HHAT: variants seen among roughly 807,000 people sequenced by gnomAD.
The protein encoded by HHAT is hedgehog acyltransferase.
Under a neutral mutation model 70.8 loss-of-function variants are expected in HHAT, and 47 were observed. That is an observed-to-expected ratio of 0.66 (90% CI 0.53 to 0.85). The LOEUF (loss-of-function observed/expected upper bound fraction) is 0.85, where lower values mean the gene tolerates loss of function less well. Among genes scored for constraint, HHAT ranks in the 40% least tolerant of loss-of-function variants. The probability of loss-of-function intolerance (pLI) is 0.00; values close to 1 mark genes in which losing one functional copy is unlikely to be tolerated. For missense variants in HHAT, 609 were observed against 604.8 expected, an observed-to-expected ratio of 1.01 and a Z score of -0.07; for synonymous variants, 228 against 247.6, an observed-to-expected ratio of 0.92 and a Z score of 0.74.
At chr1:210,418,392 C>T in intron 7 of HHAT, 67 bp downstream of exon 7, 3 of 1,416,206 alleles carry the variant, frequency 2.1e-6, no homozygotes, top group East Asian at 2.5e-5. Context: ...CAGAATGGAG[C>T]TGGAGTGGGG....
At chr1:210,425,474 G>C (rs570057449) in intron 7 of HHAT, among the ~76,000 whole-genome samples, 1 of 152,012 alleles carries the variant, frequency 6.6e-6, no homozygotes, top group Non-Finnish European at 1.5e-5. Flanking sequence ...TATAGTTTTG[G>C]GTTTTACATT....
At chr1:210,450,671 A>T (rs2093735509) in intron 7 of HHAT, among the ~76,000 whole-genome samples, 1 of 151,448 alleles carries the variant, frequency 6.6e-6, no homozygotes, top group African/African-American at 2.4e-5. Context: ...TTTATAATGA[A>T]TCTACATATT....
chr1:210,416,940 G>C (rs2092738732), intron 6 of HHAT, among the ~76,000 whole-genome samples: 1 of 152,220 alleles, frequency 6.6e-6, no homozygotes, highest in Non-Finnish European at 1.5e-5. Flanking sequence ...GAAAGGTTAA[G>C]TAACTTGCTC....
At chr1:210,505,175 A>G (rs2094830987) in intron 8 of HHAT, among the ~76,000 whole-genome samples, 1 of 152,170 alleles carries the variant, frequency 6.6e-6, no homozygotes, top group African/African-American at 2.4e-5. Context: ...CTGGGATTAC[A>G]GGCATGAACC....
At chr1:210,561,774 A>G (rs2095624841) in intron 9 of HHAT, among the ~76,000 whole-genome samples, 1 of 152,162 alleles carries the variant, frequency 6.6e-6, no homozygotes, top group African/African-American at 2.4e-5. Flanking sequence ...CGTACTTATC[A>G]TTTTTTTGTG....
chr1:210,388,256 C>G (rs531492020), intron 4 of HHAT, among the ~76,000 whole-genome samples: 6 of 152,036 alleles, frequency 3.9e-5, no homozygotes, highest in Non-Finnish European at 8.8e-5. Flanking sequence ...GGAAATTTAC[C>G]GAATAAAAGC....
At chr1:210,591,707 G>A (rs1262533698) in intron 10 of HHAT, among the ~76,000 whole-genome samples, 2 of 151,880 alleles carry the variant, frequency 1.3e-5, no homozygotes, top group Non-Finnish European at 2.9e-5. Flanking sequence ...ATCCTTACCA[G>A]CTTTTTAGGT....
intron 10 of HHAT, among the ~76,000 whole-genome samples, chr1:210,614,351 A>G (rs1274438523): frequency 6.6e-6 from 1 of 151,956 alleles, no homozygotes; most frequent in Non-Finnish European, 1.5e-5. Flanking sequence ...AACAGAAATC[A>G]TTTTACTTCT....
chr1:210,534,489 C>G (rs1379863810), intron 9 of HHAT, among the ~76,000 whole-genome samples: 1 of 152,036 alleles, frequency 6.6e-6, no homozygotes, highest in Non-Finnish European at 1.5e-5. Flanking sequence ...TGGAGTACCC[C>G]TTATCTGAAA....
chr1:210,472,798 T>C (rs956581964), intron 8 of HHAT, among the ~76,000 whole-genome samples: 1 of 152,156 alleles, frequency 6.6e-6, no homozygotes, highest in African/African-American at 2.4e-5. Context: ...TATACATTGG[T>C]TTGGTCTGGA....
chr1:210,422,559 C>T (rs1012644778), intron 7 of HHAT, among the ~76,000 whole-genome samples: 1 of 152,230 alleles, frequency 6.6e-6, no homozygotes, highest in Admixed American at 6.5e-5. Context: ...CCAGTTCCAT[C>T]TTTGTTGCCT....
intron 1 of HHAT, 158 bp downstream of exon 1, chr1:210,329,262 C>G (rs577478156): frequency 3.4e-6 from 4 of 1,182,422 alleles, no homozygotes; most frequent in Non-Finnish European, 4.2e-6. Context: ...AGTTCCCGGT[C>G]GGGCGAAGAA....
At chr1:210,452,130 A>G (rs548480377) in intron 7 of HHAT, among the ~76,000 whole-genome samples, 9 of 152,354 alleles carry the variant, frequency 5.9e-5, no homozygotes, top group South Asian at 2.1e-4. Flanking sequence ...ATAGACTGCC[A>G]ATTCCCAGCG....
intron 11 of HHAT, among the ~76,000 whole-genome samples, chr1:210,668,771 A>T (rs538175347): frequency 1.4e-4 from 21 of 151,878 alleles, no homozygotes; most frequent in Admixed American, 1.2e-3. Context: ...CCTTTTATTT[A>T]TTTATTTTTT....
chr1:210,331,480 G>A (rs2084981305), intron 1 of HHAT, among the ~76,000 whole-genome samples: 1 of 152,176 alleles, frequency 6.6e-6, no homozygotes, highest in Non-Finnish European at 1.5e-5. Flanking sequence ...TACTTCTAGG[G>A]CCCGGTCATT....
rs747066248 is a variant in HHAT, at chr1:210,349,081, T to C, written c.91+15T>C. ...AGTCTCCAGAGGTAAGGCCCCAAGCTTTTCAGACCTCCTATCAAACAAGGA... is the reference window on the plus strand; with the variant it reads ...AGTCTCCAGAGGTAAGGCCCCAAGCCTTTCAGACCTCCTATCAAACAAGGA... On this transcript the variant is annotated intron_variant, in intron 2 of 11. Coordinates refer to ENST00000261458, the MANE Select transcript of HHAT (RefSeq NM_018194.6). 8 of 1,609,052 alleles carry C rather than the reference T, an allele frequency of 5.0e-6. 1 individual carries two copies. The South Asian group carries it at 8.9e-5, about 18-fold the overall frequency.
At chr1:210,424,966 C>T (rs1471347091) in intron 7 of HHAT, among the ~76,000 whole-genome samples, 1 of 152,202 alleles carries the variant, frequency 6.6e-6, no homozygotes, top group Non-Finnish European at 1.5e-5. Flanking sequence ...CTCTTACCAA[C>T]AGTGTATAAG....
chr1:210,338,166 G>A (rs1170756657), intron 1 of HHAT, among the ~76,000 whole-genome samples: 1 of 138,418 alleles, frequency 7.2e-6, no homozygotes, highest in Admixed American at 7.1e-5. Flanking sequence ...GGGCAACATA[G>A]TGAGACCCGC....
At chr1:210,605,059 T>A (rs544279728) in intron 10 of HHAT, among the ~76,000 whole-genome samples, 3 of 150,348 alleles carry the variant, frequency 2.0e-5, no homozygotes, top group Non-Finnish European at 4.4e-5. Context: ...AATTGAAAGA[T>A]AGAGGTGTCA....
Sources: gnomAD v4.1 joint callset for allele counts (sites outside exome capture counted in the v4.1 genomes callset) on GRCh38, gnomAD v4.1.1 for gene constraint, MANE v1.5 for transcripts, NCBI Gene and HGNC (gene_info 2026-07-23, HGNC 2026-07-21) for gene names.